The following TMC1 variants were observed in gnomAD, a reference collection of about 807,000 sequenced individuals.
The protein encoded by TMC1 is transmembrane channel-like protein 1.
In TMC1, 84 loss-of-function variants were observed where a neutral mutation model predicts 105.8. The ratio of observed to expected loss-of-function variants is 0.79; its 90% CI spans 0.67 to 0.95. The LOEUF (loss-of-function observed/expected upper bound fraction) is 0.95. Among genes scored for constraint, TMC1 ranks in the 40% least tolerant of loss-of-function variants. TMC1 has a pLI of 0.00. For missense variants in TMC1, 817 were observed against 914.1 expected (o/e 0.89, Z 1.37); for synonymous variants, 315 against 311.5 (o/e 1.01, Z -0.12).
chr9:72,570,230 A>AGTGTGTGTGTGTGTGT lies in TMC1; in HGVS notation c.-427-7652_-427-7637dup, dbSNP rs3223165. Among the ~76,000 whole-genome samples, 139 of 145,704 alleles carry AGTGTGTGTGTGTGTGT rather than the reference A, an allele frequency of 9.5e-4. 1 individual carries two copies. The highest frequency in any genetic ancestry group is 2.9e-3 in the African/African-American group (115 of 39,752). On this transcript the variant is annotated intron_variant, in intron 1 of 23. Transcript: ENST00000297784. Reference sequence around the variant, plus strand: ...TGAAAGGGGGTGGGGCTCAAAGAGTAGTGTGTGTGTGTGTGTGTGTGTGTG... The same window carrying AGTGTGTGTGTGTGTGT: ...TGAAAGGGGGTGGGGCTCAAAGAGTAGTGTGTGTGTGTGTGTGTGTGTGTGTGTGTGTGTGTGTGTG...
chr9:72,634,339 T>C (rs1157860304), intron 4 of TMC1, among the ~76,000 whole-genome samples: 2 of 152,214 alleles, frequency 1.3e-5, no homozygotes, highest in African/African-American at 4.8e-5. Context: ...AAGTTAAAAA[T>C]CTTGTGACCT....
intron 8 of TMC1, among the ~76,000 whole-genome samples, chr9:72,701,749 TAAAG>T (rs1826649902): frequency 6.6e-6 from 1 of 152,180 alleles, no homozygotes; most frequent in Non-Finnish European, 1.5e-5. Context: ...ATATCCAAAA[TAAAG>T]AAAGATATTC....
intron 17 of TMC1, among the ~76,000 whole-genome samples, chr9:72,801,649 C>G (rs2118226517): frequency 6.6e-6 from 1 of 152,258 alleles, no homozygotes; most frequent in South Asian, 2.1e-4. Context: ...TCAAAGCTGC[C>G]CAGGCATTTT....
rs58813486 is a variant in TMC1, at chr9:72,598,519, A to T, written c.-305-17849A>T. On this transcript the variant is annotated intron_variant, in intron 2 of 23. Transcript: ENST00000297784. ...TTCATAATCGTATCACTTATTACTG[A>T]TAATCTTTTTCTGCCCCCAGAGGTT... Among the ~76,000 whole-genome samples the T allele has an allele frequency of 6.6e-3, 1,008 of 151,746 alleles. 16 individuals carry two copies. The highest frequency in any genetic ancestry group is 0.023 in the African/African-American group (969 of 41,328).
At chr9:72,812,275 G>T (rs1266878085) in intron 18 of TMC1, among the ~76,000 whole-genome samples, 2 of 152,150 alleles carry the variant, frequency 1.3e-5, no homozygotes, top group Non-Finnish European at 2.9e-5. Flanking sequence ...CTCTAGCTGG[G>T]AACGTGGAGA....
At chr9:72,755,777 G>C (rs902086992) in intron 12 of TMC1, among the ~76,000 whole-genome samples, 1 of 151,600 alleles carries the variant, frequency 6.6e-6, no homozygotes, top group Non-Finnish European at 1.5e-5. Context: ...GAATGAAGGA[G>C]GGAAAAGCAG....
chr9:72,653,771 C>T (rs1030433825), intron 5 of TMC1, among the ~76,000 whole-genome samples: 6 of 152,112 alleles, frequency 3.9e-5, no homozygotes, highest in African/African-American at 1.4e-4. Flanking sequence ...TTCCTTCCTT[C>T]TCTACACCCC....
At position 72,826,849 on chromosome 9, in the gene TMC1, C is replaced by G; in HGVS notation, c.2004-20C>G. 6.2e-7 allele frequency: 1 copy of G among 1,613,344 alleles called. No individual in the cohort carries two copies. The highest frequency in any genetic ancestry group is 8.5e-7 in the Non-Finnish European group (1 of 1,179,384). ...CATATGTTCTTAATAAACTTATCTC[C>G]CCCTTTTTAATTCCCCCAGTGGCAA... is the stretch of plus-strand genomic sequence containing the variant. On this transcript the variant is annotated intron_variant, in intron 20 of 23. Coordinates refer to ENST00000297784, the MANE Select transcript of TMC1 (RefSeq NM_138691.3).
chr9:72,682,644 C>T (rs1280510029), intron 5 of TMC1, among the ~76,000 whole-genome samples: 1 of 152,144 alleles, frequency 6.6e-6, no homozygotes, highest in Non-Finnish European at 1.5e-5. Context: ...AAGAATTGCA[C>T]CCTATTACTT....
intron 12 of TMC1, among the ~76,000 whole-genome samples, chr9:72,764,695 A>T (rs1182688473): frequency 2.6e-5 from 4 of 152,184 alleles, no homozygotes; most frequent in Non-Finnish European, 4.4e-5. Context: ...GTACATGACA[A>T]TTTAAAGGAG....
chr9:72,522,477 T>C (rs1823330091), intron 1 of TMC1, among the ~76,000 whole-genome samples: 1 of 152,214 alleles, frequency 6.6e-6, no homozygotes, highest in Admixed American at 6.5e-5. Context: ...TTTATTGCAC[T>C]CTGTTCAAAT....
intron 5 of TMC1, among the ~76,000 whole-genome samples, chr9:72,656,673 A>G (rs1825890005): frequency 6.6e-6 from 1 of 152,138 alleles, no homozygotes. Context: ...TAATTTTTTT[A>G]TCAATGAAAA....
At chr9:72,577,179 C>T (rs1278117730) in intron 1 of TMC1, among the ~76,000 whole-genome samples, 1 of 152,182 alleles carries the variant, frequency 6.6e-6, no homozygotes, top group South Asian at 2.1e-4. Context: ...ATCTCTGACC[C>T]TTTCCTCTTC....
At chr9:72,763,863 G>T (rs1468634517) in intron 12 of TMC1, among the ~76,000 whole-genome samples, 1 of 151,984 alleles carries the variant, frequency 6.6e-6, no homozygotes, top group Non-Finnish European at 1.5e-5. Context: ...CTTGGATTTT[G>T]AGGTAATCAA....
chr9:72,800,040 CAT>C (rs1464070492), intron 17 of TMC1, among the ~76,000 whole-genome samples: 1 of 152,150 alleles, frequency 6.6e-6, no homozygotes, highest in Non-Finnish European at 1.5e-5. Context: ...AGAAAGGAAA[CAT>C]ATTCTCTTCC....
At chr9:72,544,025 C>T (rs1327992810) in intron 1 of TMC1, among the ~76,000 whole-genome samples, 3 of 147,254 alleles carry the variant, frequency 2.0e-5, no homozygotes, top group African/African-American at 5.0e-5. Flanking sequence ...GATCTTGGCT[C>T]ACTGCAACCT....
At chr9:72,656,268 A>G (rs1486247710) in intron 5 of TMC1, 2 of 340,378 alleles carry the variant, frequency 5.9e-6, no homozygotes, top group Non-Finnish European at 1.2e-5. Flanking sequence ...GTGCGGGCGG[A>G]TCAGAGCTCC....
At chr9:72,585,688 C>T (rs545726139) in intron 2 of TMC1, among the ~76,000 whole-genome samples, 51 of 152,218 alleles carry the variant, frequency 3.4e-4, no homozygotes, top group African/African-American at 1.2e-3. Context: ...GGAGACTTCT[C>T]CTGGGAGAAG....
chr9:72,701,599 A>G (rs1165254726), intron 8 of TMC1, among the ~76,000 whole-genome samples: 1 of 152,186 alleles, frequency 6.6e-6, no homozygotes, highest in Non-Finnish European at 1.5e-5. Context: ...TGTAAAAATG[A>G]TAGTATAGTA....
Sources: gnomAD v4.1 joint callset for allele counts (sites outside exome capture counted in the v4.1 genomes callset) on GRCh38, gnomAD v4.1.1 for gene constraint, MANE v1.5 for transcripts, NCBI Gene and HGNC (gene_info 2026-07-23, HGNC 2026-07-21) for gene names.